TBC1D4: variants seen among roughly 807,000 people sequenced by gnomAD.
The protein encoded by TBC1D4 is TBC1 domain family member 4, also known as TBC (Tre-2, BUB2, CDC16) domain-containing protein.
In TBC1D4, 121 loss-of-function variants were observed where a neutral mutation model predicts 142.5. The ratio of observed to expected loss-of-function variants is 0.85; its 90% CI spans 0.73 to 0.99. The LOEUF (loss-of-function observed/expected upper bound fraction) is 0.99, where lower values mean the gene tolerates loss of function less well. Ranked by LOEUF, TBC1D4 falls within the 50% of genes least tolerant of loss-of-function variation. TBC1D4 has a pLI of 0.00. For missense variants in TBC1D4, 1,475 were observed against 1,606.6 expected, an observed-to-expected ratio of 0.92 and a Z score of 1.40; for synonymous variants, 630 against 628.2, an observed-to-expected ratio of 1.00 and a Z score of -0.04.
Position 75,306,661 on chromosome 13 carries a change from A to G in TBC1D4, c.2594-190T>C, listed in dbSNP as rs573386893. 5.9e-5 allele frequency among the ~76,000 whole-genome samples: 9 copies of G among 152,126 alleles called. 1 individual carries two copies. The highest frequency in any genetic ancestry group is 2.2e-4 in the African/African-American group (9 of 41,510). On this transcript the variant is annotated intron_variant, in intron 14 of 20. Transcript: ENST00000377636. Reference sequence around the variant, plus strand: ...CAAGCTTTGAGTCATTTCATGTGAGAAAAAAAATGAGGAATAACCTCCTAA... The same window carrying G: ...CAAGCTTTGAGTCATTTCATGTGAGGAAAAAAATGAGGAATAACCTCCTAA...
At chr13:75,481,241 G>GC in intron 1 of TBC1D4, 29 bp downstream of exon 1, 1 of 1,175,092 alleles carries the variant, frequency 8.5e-7, no homozygotes, top group South Asian at 1.2e-5. Flanking sequence ...GGCCGAGCCC[G>GC]CCCCCGCGCC....
At chr13:75,420,735 A>G (rs1309262923) in intron 1 of TBC1D4, among the ~76,000 whole-genome samples, 1 of 152,238 alleles carries the variant, frequency 6.6e-6, no homozygotes, top group African/African-American at 2.4e-5. Context: ...CAATAATTTA[A>G]TAAGTTACAC....
At chr13:75,391,418 C>T (rs1884483036) in intron 1 of TBC1D4, among the ~76,000 whole-genome samples, 1 of 152,182 alleles carries the variant, frequency 6.6e-6, no homozygotes, top group Non-Finnish European at 1.5e-5. Context: ...CCCAGCAAAG[C>T]AGCCGGTATG....
chr13:75,478,697 T>A (rs951105890), intron 1 of TBC1D4, among the ~76,000 whole-genome samples: 1 of 152,200 alleles, frequency 6.6e-6, no homozygotes, highest in East Asian at 1.9e-4. Flanking sequence ...CCCTTTAACA[T>A]GTCTAGCTGC....
intron 4 of TBC1D4, among the ~76,000 whole-genome samples, chr13:75,355,446 A>T (rs1351298516): frequency 6.6e-6 from 1 of 152,168 alleles, no homozygotes; most frequent in Non-Finnish European, 1.5e-5. Context: ...TTACATATGA[A>T]CTCCAATTAC....
In TBC1D4 at chr13:75,326,309, G is replaced by A. The variant is rs754877249; in HGVS notation, c.1921C>T (p.His641Tyr). 3 of 1,614,172 alleles carry A rather than the reference G, an allele frequency of 1.9e-6. No homozygotes were observed. Among genetic ancestry groups the A allele is most frequent in the East Asian group, 2.2e-5 (1 of 44,864 alleles). Reference sequence around the variant, plus strand: ...CTTGAAGGTGGGTGGCTGAACGTGTGTGCCCGTCTTCGAAACTGCGGGGAG... The same window carrying A: ...CTTGAAGGTGGGTGGCTGAACGTGTATGCCCGTCTTCGAAACTGCGGGGAG... ...SDSPQFRRRA[H>Y]TFSHPPSSTK... Residue 641 changes from histidine to tyrosine, a missense_variant, in exon 10 of 21, where the codon CAC becomes TAC. His to Tyr is a moderately conservative substitution (Grantham distance 83). This residue lies in a region of TBC1D4 where 1,227 missense variants were observed against 1,267.7 expected (regional missense o/e 0.97). Coordinates refer to ENST00000377636, the MANE Select transcript of TBC1D4 (RefSeq NM_014832.5).
rs180973487 is a variant in TBC1D4 at position 75,315,124 on chromosome 13, T to C, written c.2223-2226A>G. ...GAGTTTGAGACCAGCCTGGCCAACA[T>C]GGGCAAAATCCTGTCTCTACTGAAA... On this transcript the variant is annotated intron_variant, in intron 12 of 20. Coordinates refer to ENST00000377636, the MANE Select transcript of TBC1D4 (RefSeq NM_014832.5). Among the ~76,000 whole-genome samples the C allele has an allele frequency of 2.5e-3, 385 of 151,800 alleles. 5 individuals are homozygous for C. Among genetic ancestry groups the C allele is most frequent in the African/African-American group, 9.0e-3 (372 of 41,386 alleles).
intron 1 of TBC1D4, among the ~76,000 whole-genome samples, chr13:75,439,452 T>C (rs1886943735): frequency 6.6e-6 from 1 of 152,210 alleles, no homozygotes; most frequent in South Asian, 2.1e-4. Flanking sequence ...GATACTGTAT[T>C]AATTACACAA....
At chr13:75,325,532 G>A (rs1879159670) in intron 10 of TBC1D4, among the ~76,000 whole-genome samples, 1 of 151,880 alleles carries the variant, frequency 6.6e-6, no homozygotes, top group Non-Finnish European at 1.5e-5. Context: ...GTGTTACACA[G>A]AAAGAAGAAA....
chr13:75,328,071 A>G (rs1211010920), intron 8 of TBC1D4, among the ~76,000 whole-genome samples: 2 of 152,202 alleles, frequency 1.3e-5, no homozygotes, highest in African/African-American at 2.4e-5. Flanking sequence ...TTTTGAAGTT[A>G]GTTTGGTTAC....
intron 1 of TBC1D4, among the ~76,000 whole-genome samples, chr13:75,423,068 C>A (rs1050731311): frequency 6.6e-6 from 1 of 152,036 alleles, no homozygotes; most frequent in African/African-American, 2.4e-5. Flanking sequence ...TGATGCGATA[C>A]CAGAGTTAAT....
At chr13:75,423,654 T>G (rs961981048) in intron 1 of TBC1D4, among the ~76,000 whole-genome samples, 1 of 152,242 alleles carries the variant, frequency 6.6e-6, no homozygotes, top group East Asian at 1.9e-4. Flanking sequence ...GACTTCTCTA[T>G]GAATCTAAAA....
intron 1 of TBC1D4, among the ~76,000 whole-genome samples, chr13:75,462,247 G>C (rs529347440): frequency 5.3e-5 from 8 of 152,174 alleles, no homozygotes; most frequent in Non-Finnish European, 1.0e-4. Flanking sequence ...ACAGCAAATG[G>C]ACCAGAGGAA....
chr13:75,409,815 T>C (rs900059932), intron 1 of TBC1D4, among the ~76,000 whole-genome samples: 1 of 152,228 alleles, frequency 6.6e-6, no homozygotes, highest in Admixed American at 6.5e-5. Context: ...AACCCTTTGC[T>C]AGATAGCTAT....
chr13:75,420,630 T>C (rs933295639), intron 1 of TBC1D4, among the ~76,000 whole-genome samples: 10 of 152,232 alleles, frequency 6.6e-5, no homozygotes, highest in Admixed American at 3.3e-4. Flanking sequence ...ATTAGATCTC[T>C]AGTAAAGCTT....
chr13:75,423,954 A>G lies in TBC1D4; in HGVS notation c.498+57316T>C, dbSNP rs144377364. 4.1e-3 allele frequency among the ~76,000 whole-genome samples: 626 copies of G among 152,326 alleles called. 5 individuals are homozygous for G. The highest frequency in any genetic ancestry group is 0.014 in the African/African-American group (593 of 41,582). ...AACTGTACACTTTAAAATAGTTAAG[A>G]TGGTAAATGTTATATTACGTGTATT... On this transcript the variant is annotated intron_variant, in intron 1 of 20. Transcript: ENST00000377636.
At chr13:75,410,607 G>A (rs1394865925) in intron 1 of TBC1D4, among the ~76,000 whole-genome samples, 2 of 152,134 alleles carry the variant, frequency 1.3e-5, no homozygotes, top group Non-Finnish European at 2.9e-5. Flanking sequence ...GAAATACCAC[G>A]TGGACATTAA....
At chr13:75,413,118 A>G (rs1238734011) in intron 1 of TBC1D4, among the ~76,000 whole-genome samples, 1 of 152,194 alleles carries the variant, frequency 6.6e-6, no homozygotes, top group Non-Finnish European at 1.5e-5. Flanking sequence ...GGGGAGGAAG[A>G]TCACAGAAGG....
At chr13:75,455,697 C>T (rs1415878227) in intron 1 of TBC1D4, among the ~76,000 whole-genome samples, 1 of 152,042 alleles carries the variant, frequency 6.6e-6, no homozygotes, top group Non-Finnish European at 1.5e-5. Context: ...CTAACCAATT[C>T]ACAAGTATCT....
Sources: gnomAD v4.1 joint callset for allele counts (sites outside exome capture counted in the v4.1 genomes callset) on GRCh38, gnomAD v4.1.1 for gene constraint, gnomAD v4.1.1 regional missense constraint, MANE v1.5 for transcripts, NCBI Gene and HGNC (gene_info 2026-07-23, HGNC 2026-07-21) for gene names.